EBF2: variants seen among roughly 807,000 people sequenced by gnomAD.
The protein encoded by EBF2 is EBF transcription factor 2.
A neutral mutation model predicts 72.8 loss-of-function variants in EBF2; 21 were observed. That is an observed-to-expected ratio of 0.29 (90% CI 0.20 to 0.42). The LOEUF is 0.42. Among genes scored for constraint, EBF2 ranks in the 10% least tolerant of loss-of-function variants. EBF2 has a pLI of 1.00. For synonymous variants in EBF2, 299 were observed against 274.2 expected (o/e 1.09, Z -0.89); for missense variants, 637 against 731.2 (o/e 0.87, Z 1.49).
chr8:26,013,183 T>A lies in EBF2; in HGVS notation c.551+19902A>T, dbSNP rs149568798. ...CCAAACTTCACACTGAAATATACAG[T>A]TCCAGTTAATAGATGTGAATTAACT... On this transcript the variant is annotated intron_variant, in intron 6 of 15. Coordinates refer to ENST00000520164, the MANE Select transcript of EBF2 (RefSeq NM_022659.4). Among the ~76,000 whole-genome samples, 1,019 of 152,304 alleles carry A rather than the reference T, an allele frequency of 6.7e-3. 7 individuals are homozygous for A. Among genetic ancestry groups the A allele is most frequent in the South Asian group, 0.036 (173 of 4,824 alleles).
At chr8:25,961,661 C>T (rs1379116440) in intron 6 of EBF2, among the ~76,000 whole-genome samples, 1 of 152,112 alleles carries the variant, frequency 6.6e-6, no homozygotes. Flanking sequence ...GCGCCCAGCC[C>T]TAATGTGAGG....
chr8:26,001,704 A>ACGCT (rs1804728595), intron 6 of EBF2, among the ~76,000 whole-genome samples: 3 of 152,068 alleles, frequency 2.0e-5, no homozygotes, highest in African/African-American at 4.8e-5. Flanking sequence ...ACGCGCCACC[A>ACGCT]TGCCCAGCTA....
intron 10 of EBF2, among the ~76,000 whole-genome samples, chr8:25,868,434 A>G (rs1410384684): frequency 2.6e-5 from 4 of 152,054 alleles, no homozygotes. Flanking sequence ...TAATAGTTTT[A>G]AATATATATA....
intron 3 of EBF2, 94 bp from the exon 4 acceptor site, chr8:26,040,765 C>T (rs1805586320): frequency 1.3e-6 from 2 of 1,501,352 alleles, no homozygotes; most frequent in Non-Finnish European, 1.8e-6. Context: ...CCCAAGCAGC[C>T]TCTCCATGCT....
intron 6 of EBF2, among the ~76,000 whole-genome samples, chr8:25,941,425 C>T (rs192554690): frequency 6.6e-6 from 1 of 152,086 alleles, no homozygotes; most frequent in Non-Finnish European, 1.5e-5. Context: ...AGGCTGGTCT[C>T]GAACTCCTGG....
chr8:26,025,264 C>T (rs189923076), intron 6 of EBF2, among the ~76,000 whole-genome samples: 32 of 152,166 alleles, frequency 2.1e-4, no homozygotes, highest in Admixed American at 7.9e-4. Flanking sequence ...ACCTAGTCTT[C>T]GGAGAGCTTT....
intron 6 of EBF2, among the ~76,000 whole-genome samples, chr8:25,928,682 G>A (rs190105900): frequency 1.6e-4 from 23 of 147,500 alleles, no homozygotes; most frequent in African/African-American, 5.8e-4. Context: ...ATGGAAATAT[G>A]TACAAAGAAG....
At chr8:25,898,959 G>A (rs1170726744) in intron 7 of EBF2, among the ~76,000 whole-genome samples, 1 of 152,164 alleles carries the variant, frequency 6.6e-6, no homozygotes, top group African/African-American at 2.4e-5. Context: ...TGTGTTTCCA[G>A]CTAACTGCAG....
chr8:25,947,193 G>C (rs993508085), intron 6 of EBF2, among the ~76,000 whole-genome samples: 4 of 152,132 alleles, frequency 2.6e-5, no homozygotes, highest in Admixed American at 2.6e-4. Context: ...CCAGGTGGGA[G>C]GTAATTCAAT....
At chr8:26,019,949 T>G (rs1399997450) in intron 6 of EBF2, among the ~76,000 whole-genome samples, 2 of 152,122 alleles carry the variant, frequency 1.3e-5, no homozygotes, top group Non-Finnish European at 1.5e-5. Flanking sequence ...AGAGAAGGAA[T>G]GTTTCTACCT....
At chr8:25,953,440 G>T (rs531411556) in intron 6 of EBF2, among the ~76,000 whole-genome samples, 16 of 152,220 alleles carry the variant, frequency 1.1e-4, no homozygotes, top group African/African-American at 3.6e-4. Flanking sequence ...GAGAGAATAA[G>T]CTCCTCCTCA....
At chr8:26,032,866 G>C in intron 6 of EBF2, 1 of 558,138 alleles carries the variant, frequency 1.8e-6, no homozygotes, top group Non-Finnish European at 3.2e-6. Context: ...GGTGCACCTG[G>C]AAAAGACTCC....
rs376101300 is a variant in EBF2 at position 25,886,859 on chromosome 8, C to T, written c.905G>A (p.Arg302Lys). 1.2e-6 allele frequency: 2 copies of T among 1,612,918 alleles called. No individual in the cohort carries two copies. Among genetic ancestry groups the T allele is most frequent in the African/African-American group, 2.7e-5 (2 of 74,900 alleles). ...WSELITPHAI[R>K]VQTPPRHIPG... ...GATGTGCCGGGGAGGAGTCTGTACT[C>T]TGATGGCATGAGGGGTTATTAGCTG... Residue 302 changes from arginine to lysine, a missense_variant, in exon 10 of 16, where the codon AGA becomes AAA. Arg to Lys is a conservative substitution (Grantham distance 26). Transcript: ENST00000520164.
chr8:25,968,076 G>A (rs1804140699), intron 6 of EBF2, among the ~76,000 whole-genome samples: 1 of 151,942 alleles, frequency 6.6e-6, no homozygotes, highest in African/African-American at 2.4e-5. Flanking sequence ...AGTATAGGCT[G>A]TAGTCAGTAT....
At chr8:25,892,012 A>G (rs1485592948) in intron 7 of EBF2, among the ~76,000 whole-genome samples, 2 of 152,184 alleles carry the variant, frequency 1.3e-5, no homozygotes, top group Non-Finnish European at 2.9e-5. Flanking sequence ...AAGAATTGTC[A>G]AAATATCGCC....
intron 6 of EBF2, among the ~76,000 whole-genome samples, chr8:25,941,563 G>T (rs4242426): frequency 0.78 from 118,126 of 151,986 alleles, 46,677 homozygotes; most frequent in Admixed American, 0.87. Context: ...GGAATGGGAT[G>T]ATAGTACCAC....
intron 6 of EBF2, among the ~76,000 whole-genome samples, chr8:25,973,932 C>T (rs151152060): frequency 6.6e-6 from 1 of 152,154 alleles, no homozygotes; most frequent in African/African-American, 2.4e-5. Flanking sequence ...CCCACCTCAG[C>T]CTCCCGAAGT....
chr8:25,940,130 T>G (rs1254519044), intron 6 of EBF2, among the ~76,000 whole-genome samples: 1 of 152,192 alleles, frequency 6.6e-6, no homozygotes, highest in African/African-American at 2.4e-5. Context: ...GATGAAAGAA[T>G]AGACTATTAG....
At chr8:25,870,622 G>T (rs983415206) in intron 10 of EBF2, among the ~76,000 whole-genome samples, 1 of 151,912 alleles carries the variant, frequency 6.6e-6, no homozygotes, top group South Asian at 2.1e-4. Context: ...AATTTATCAC[G>T]CATTTGCACC....
Sources: gnomAD v4.1 joint callset for allele counts (sites outside exome capture counted in the v4.1 genomes callset) on GRCh38, gnomAD v4.1.1 for gene constraint, MANE v1.5 for transcripts, NCBI Gene and HGNC (gene_info 2026-07-23, HGNC 2026-07-21) for gene names.